The following AFG1L variants were observed in gnomAD, a reference collection of about 807,000 sequenced individuals.
AFG1L encodes AFG1-like ATPase.
Under a neutral mutation model 62.2 loss-of-function variants are expected in AFG1L, and 53 were observed. The observed-to-expected ratio is 0.85, with a 90% confidence interval of 0.68 to 1.07. AFG1L has a LOEUF of 1.07. Ranked by LOEUF, AFG1L falls within the 50% of genes least tolerant of loss-of-function variation. The pLI, the probability that AFG1L is intolerant of heterozygous loss-of-function variation, is 0.00. For synonymous variants in AFG1L, 228 were observed against 210.3 expected (o/e 1.08, Z -0.73); for missense variants, 555 against 590.5 (o/e 0.94, Z 0.62).
intron 1 of AFG1L, among the ~76,000 whole-genome samples, chr6:108,310,508 C>T (rs1777361656): frequency 6.6e-6 from 1 of 151,400 alleles, no homozygotes; most frequent in Non-Finnish European, 1.5e-5. Flanking sequence ...ATTCTGGATG[C>T]AGATTCCTTA....
chr6:108,474,928 A>G (rs1773050329), intron 8 of AFG1L, among the ~76,000 whole-genome samples: 1 of 152,144 alleles, frequency 6.6e-6, no homozygotes, highest in African/African-American at 2.4e-5. Flanking sequence ...CTTCATTGCA[A>G]TTGCTTTTGG....
At chr6:108,473,819 A>G (rs1243286944) in intron 8 of AFG1L, among the ~76,000 whole-genome samples, 1 of 152,190 alleles carries the variant, frequency 6.6e-6, no homozygotes, top group Admixed American at 6.5e-5. Flanking sequence ...TCAGCCTTCC[A>G]AAGTGCCAGG....
chr6:108,447,481 A>G (rs1466132726), intron 8 of AFG1L, among the ~76,000 whole-genome samples, 185 bp downstream of exon 8: 1 of 152,166 alleles, frequency 6.6e-6, no homozygotes, highest in Non-Finnish European at 1.5e-5. Flanking sequence ...CATCATTTAT[A>G]ATGTGTGATT....
chr6:108,369,762 C>T (rs1779914900), intron 6 of AFG1L, among the ~76,000 whole-genome samples: 1 of 152,132 alleles, frequency 6.6e-6, no homozygotes, highest in Non-Finnish European at 1.5e-5. Context: ...GCACCCACCA[C>T]CATGCCCAGC....
At chr6:108,400,403 A>C (rs547410426) in intron 6 of AFG1L, among the ~76,000 whole-genome samples, 43 of 151,258 alleles carry the variant, frequency 2.8e-4, no homozygotes, top group African/African-American at 9.5e-4. Context: ...GTATGAAGGG[A>C]TATTGAGCTT....
intron 7 of AFG1L, among the ~76,000 whole-genome samples, chr6:108,415,124 A>G (rs1480134710): frequency 6.6e-6 from 1 of 152,210 alleles, no homozygotes; most frequent in Non-Finnish European, 1.5e-5. Context: ...CTCTACACCA[A>G]TAACAGACAA....
rs1300133231 is a variant in AFG1L, at chr6:108,524,931, G to A, written c.*2506G>A. On this transcript the variant is annotated 3_prime_UTR_variant, in exon 13 of 13. Coordinates refer to ENST00000368977, the MANE Select transcript of AFG1L (RefSeq NM_145315.5). Reference sequence around the variant, plus strand: ...TGAAAAACAACCCCTAGATTGGAGAGCAACATTTCACTTTATATGTCTTTC... The same window carrying A: ...TGAAAAACAACCCCTAGATTGGAGAACAACATTTCACTTTATATGTCTTTC... The A allele has an allele frequency of 6.6e-6, 1 of 152,374 alleles. No individual in the cohort carries two copies. The highest frequency in any genetic ancestry group is 1.9e-4 in the East Asian group (1 of 5,194). The allele number at this position is 152,374 out of a possible 1,614,324, so 9.4% of individuals were successfully genotyped here.
intron 8 of AFG1L, among the ~76,000 whole-genome samples, chr6:108,451,044 C>T (rs1230556900): frequency 6.6e-6 from 1 of 152,070 alleles, no homozygotes; most frequent in African/African-American, 2.4e-5. Context: ...TTATTACCAT[C>T]TGGCCAGACA....
chr6:108,354,334 A>T (rs183292126), intron 3 of AFG1L, among the ~76,000 whole-genome samples: 16 of 151,398 alleles, frequency 1.1e-4, no homozygotes, highest in Middle Eastern at 3.4e-3. Context: ...TTTAAGATGG[A>T]GTCTCTCTCT....
In AFG1L at chr6:108,503,187, T is replaced by TG. The variant is rs1276268820; in HGVS notation, c.1063-7024dup. ...TGTTGATATTTCGACCTTCTCCCCA[T>TG]GAAGCACTAATGTTCTTCATGGTAT... On this transcript the variant is annotated intron_variant, in intron 10 of 12. Coordinates refer to ENST00000368977, the MANE Select transcript of AFG1L (RefSeq NM_145315.5). Among the ~76,000 whole-genome samples, 3 of 152,338 alleles carry TG rather than the reference T, an allele frequency of 2.0e-5. No individual in the cohort carries two copies. In the East Asian group the frequency reaches 5.8e-4, roughly 29 times the overall value.
At chr6:108,383,745 G>A (rs1780643573) in intron 6 of AFG1L, among the ~76,000 whole-genome samples, 1 of 152,086 alleles carries the variant, frequency 6.6e-6, no homozygotes, top group African/African-American at 2.4e-5. Context: ...ATACAGTCGA[G>A]CATTTTAGAA....
rs569837819 is a variant in AFG1L, at chr6:108,524,618, T to C, written c.*2193T>C. The C allele has an allele frequency of 6.6e-6, 1 of 152,320 alleles. No homozygotes were observed. Among genetic ancestry groups the C allele is most frequent in the Admixed American group, 6.5e-5 (1 of 15,302 alleles). 9.4% of individuals were successfully genotyped at this position (152,320 alleles called of 1,614,324 possible). A position where few individuals can be genotyped will look rare whatever the true frequency, so the allele number is the denominator to read the frequency against. On this transcript the variant is annotated 3_prime_UTR_variant, in exon 13 of 13. Transcript: ENST00000368977. ...AGTCTCCACCTAAGTAACTGGAGCA[T>C]GTGCCCACTTCTGTGCCCCCAATCC...
intron 11 of AFG1L, among the ~76,000 whole-genome samples, chr6:108,519,211 C>T: frequency 6.6e-6 from 1 of 152,080 alleles, no homozygotes; most frequent in Non-Finnish European, 1.5e-5. Context: ...TGGTGAACTC[C>T]CTCCATCAAA....
At chr6:108,365,286 G>A (rs1183583917) in intron 5 of AFG1L, among the ~76,000 whole-genome samples, 3 of 151,914 alleles carry the variant, frequency 2.0e-5, no homozygotes, top group African/African-American at 7.3e-5. Flanking sequence ...CTTCTTAATT[G>A]TTGTCTTTGT....
At chr6:108,409,591 C>G (rs190227090) in intron 7 of AFG1L, among the ~76,000 whole-genome samples, 1 of 152,140 alleles carries the variant, frequency 6.6e-6, no homozygotes, top group East Asian at 1.9e-4. Context: ...TTAAAGTAGT[C>G]ATGGTACTGA....
intron 7 of AFG1L, 116 bp from the exon 8 acceptor site, chr6:108,447,098 T>C (rs1771839834): frequency 4.3e-6 from 2 of 464,986 alleles, no homozygotes; most frequent in Non-Finnish European, 7.8e-6. Context: ...GTCATCTCAT[T>C]ATATTAGTTT....
At chr6:108,313,283 G>A (rs1349160525) in intron 1 of AFG1L, among the ~76,000 whole-genome samples, 3 of 152,108 alleles carry the variant, frequency 2.0e-5, no homozygotes, top group Non-Finnish European at 4.4e-5. Flanking sequence ...TTGGGAACAT[G>A]GACAAGTTAC....
At chr6:108,498,442 A>G (rs1774051969) in intron 10 of AFG1L, among the ~76,000 whole-genome samples, 1 of 152,154 alleles carries the variant, frequency 6.6e-6, no homozygotes, top group African/African-American at 2.4e-5. Context: ...TCTTTAAATA[A>G]CCCAAACATT....
intron 10 of AFG1L, among the ~76,000 whole-genome samples, chr6:108,494,823 T>C (rs534687307): frequency 3.3e-4 from 50 of 151,116 alleles, no homozygotes; most frequent in African/African-American, 1.2e-3. Context: ...CAGGCTGGAG[T>C]GCAGTGGTCC....
Sources: allele counts gnomAD v4.1 joint callset (sites outside exome capture counted in the v4.1 genomes callset), GRCh38; gene constraint gnomAD v4.1.1; transcripts MANE v1.5; gene names NCBI Gene and HGNC (gene_info 2026-07-23, HGNC 2026-07-21).